NCK2: variants seen among roughly 807,000 people sequenced by gnomAD.
The protein encoded by NCK2 is cytoplasmic protein NCK2.
Under a neutral mutation model 33.9 loss-of-function variants are expected in NCK2, and 16 were observed. The ratio of observed to expected loss-of-function variants is 0.47; its 90% confidence interval spans 0.32 to 0.72. The LOEUF (loss-of-function observed/expected upper bound fraction) is 0.72. NCK2 is among the 30% of genes least tolerant of loss of function. The pLI is 0.03. For missense variants in NCK2, 418 were observed against 537.3 expected (o/e 0.78, Z 2.19); for synonymous variants, 273 against 239.9 (o/e 1.14, Z -1.27).
intron 1 of NCK2, among the ~76,000 whole-genome samples, chr2:105,773,038 T>G (rs1690186310): frequency 6.6e-6 from 1 of 151,588 alleles, no homozygotes; most frequent in South Asian, 2.1e-4. Flanking sequence ...ACTACAGGTG[T>G]GTAGCACCCC....
At position 105,893,426 on chromosome 2, in the gene NCK2, G is replaced by A. The variant is rs1679080871; in HGVS notation, c.*250G>A. On this transcript the variant is annotated 3_prime_UTR_variant, in exon 5 of 5. Transcript: ENST00000233154. ...GAGTTCACATTATTCCTTTTCCATC[G>A]GAAGTGGCGCTCGTGCATTCAACTC... The A allele has an allele frequency of 5.7e-5, 25 of 440,666 alleles. No homozygotes were observed. The South Asian group carries it at 8.0e-4, about 14-fold the overall frequency. 27.3% of individuals were successfully genotyped at this position (440,666 alleles called of 1,614,324 possible).
intron 1 of NCK2, among the ~76,000 whole-genome samples, chr2:105,780,325 T>TATACACACAC (rs1325025118): frequency 6.1e-5 from 9 of 147,360 alleles, no homozygotes; most frequent in Non-Finnish European, 1.4e-4. Flanking sequence ...GAGAGATATA[T>TATACACACAC]ACACACACAC....
chr2:105,869,574 C>A (rs747053789), intron 3 of NCK2, among the ~76,000 whole-genome samples: 5 of 152,202 alleles, frequency 3.3e-5, no homozygotes, highest in Non-Finnish European at 7.3e-5. Flanking sequence ...TGCGTGTTCC[C>A]CCGTGAATGT....
intron 1 of NCK2, among the ~76,000 whole-genome samples, chr2:105,777,828 G>A (rs767885455): frequency 2.0e-5 from 3 of 152,186 alleles, no homozygotes; most frequent in South Asian, 2.1e-4. Flanking sequence ...TGAAAATGCC[G>A]AGCTCCCTTT....
intron 2 of NCK2, among the ~76,000 whole-genome samples, chr2:105,835,903 A>G (rs569923051): frequency 3.3e-5 from 5 of 151,426 alleles, no homozygotes; most frequent in East Asian, 3.9e-4. Context: ...CTTCTGCTTG[A>G]TCTAGTCTCT....
At chr2:105,752,777 GT>G (rs1047465185) in intron 1 of NCK2, among the ~76,000 whole-genome samples, 7 of 152,092 alleles carry the variant, frequency 4.6e-5, no homozygotes, top group Non-Finnish European at 8.8e-5. Flanking sequence ...TGATTTCATT[GT>G]TTTTTTATGG....
At chr2:105,857,363 C>A (rs1350229307) in intron 3 of NCK2, among the ~76,000 whole-genome samples, 3 of 152,278 alleles carry the variant, frequency 2.0e-5, no homozygotes, top group Non-Finnish European at 4.4e-5. Flanking sequence ...AGATGGCCAT[C>A]CAGCCCTGCT....
chr2:105,842,437 T>C (rs1457350640), intron 2 of NCK2, among the ~76,000 whole-genome samples: 1 of 151,880 alleles, frequency 6.6e-6, no homozygotes, highest in Non-Finnish European at 1.5e-5. Flanking sequence ...GGAAAGTTTG[T>C]AACATTTTTT....
chr2:105,759,193 C>T (rs1689685006), intron 1 of NCK2, among the ~76,000 whole-genome samples: 1 of 152,070 alleles, frequency 6.6e-6, no homozygotes, highest in Admixed American at 6.5e-5. Flanking sequence ...GTGTTAAGTC[C>T]TTATTTGGTC....
At chr2:105,799,638 CG>C (rs1386732116) in intron 1 of NCK2, among the ~76,000 whole-genome samples, 5 of 152,132 alleles carry the variant, frequency 3.3e-5, no homozygotes, top group Admixed American at 6.5e-5. Context: ...AAAAACAAAA[CG>C]GAATACCACT....
intron 1 of NCK2, among the ~76,000 whole-genome samples, chr2:105,759,308 G>A (rs1013445019): frequency 6.6e-6 from 1 of 152,172 alleles, no homozygotes; most frequent in Non-Finnish European, 1.5e-5. Context: ...GCAGAAAATT[G>A]TATTGCATTT....
In NCK2 at chr2:105,840,033, A is replaced by G. The variant is rs141440858; in HGVS notation, c.-16-15015A>G. 2.3e-3 allele frequency among the ~76,000 whole-genome samples: 353 copies of G among 152,296 alleles called. 3 individuals are homozygous for G. Among genetic ancestry groups the G allele is most frequent in the African/African-American group, 8.0e-3 (333 of 41,556 alleles). On this transcript the variant is annotated intron_variant, in intron 2 of 4. Transcript: ENST00000233154. ...GGCAGTATGGTAGGGACAAAAGCCA[A>G]TTAGTGGAGGCTCAAAGATCAGGTT...
intron 1 of NCK2, among the ~76,000 whole-genome samples, chr2:105,810,367 A>C (rs1675244443): frequency 6.6e-6 from 1 of 151,888 alleles, no homozygotes; most frequent in Non-Finnish European, 1.5e-5. Context: ...CTGGCAGTAG[A>C]GGGAGGGAGA....
intron 2 of NCK2, among the ~76,000 whole-genome samples, chr2:105,822,472 G>T (rs927347187): frequency 2.0e-5 from 3 of 152,010 alleles, no homozygotes; most frequent in African/African-American, 7.3e-5. Flanking sequence ...CATCTCTAAG[G>T]TCCCTGACGC....
intron 1 of NCK2, among the ~76,000 whole-genome samples, chr2:105,799,557 C>T (rs1674732525): frequency 6.6e-6 from 1 of 152,146 alleles, no homozygotes; most frequent in Non-Finnish European, 1.5e-5. Flanking sequence ...CCTAGTGTTT[C>T]GTTAGTCTGT....
At position 105,811,395 on chromosome 2, in the gene NCK2, G is replaced by C. The variant is rs193028763; in HGVS notation, c.-200-5035G>C. Reference sequence around the variant, plus strand: ...GGCCTTGTTGCTTCCTTTTCTGGCTGTAATTTGCTTCTCATTATATATGGA... The same window carrying C: ...GGCCTTGTTGCTTCCTTTTCTGGCTCTAATTTGCTTCTCATTATATATGGA... On this transcript the variant is annotated intron_variant, in intron 1 of 4. Coordinates refer to ENST00000233154, the MANE Select transcript of NCK2 (RefSeq NM_003581.5). Among the ~76,000 whole-genome samples, 198 of 152,270 alleles carry C rather than the reference G, an allele frequency of 1.3e-3. 1 individual carries two copies. The highest frequency in any genetic ancestry group is 2.4e-3 in the Non-Finnish European group (166 of 68,016).
At chr2:105,814,235 C>T (rs576674379) in intron 1 of NCK2, among the ~76,000 whole-genome samples, 2 of 152,338 alleles carry the variant, frequency 1.3e-5, no homozygotes, top group South Asian at 4.1e-4. Flanking sequence ...TGTTGACCAC[C>T]ATGTTTTATT....
intron 1 of NCK2, among the ~76,000 whole-genome samples, chr2:105,755,381 G>A (rs908256174): frequency 6.7e-6 from 1 of 149,906 alleles, no homozygotes; most frequent in Non-Finnish European, 1.5e-5. Context: ...TATAGATTAG[G>A]TGTCTAGTGT....
intron 2 of NCK2, among the ~76,000 whole-genome samples, chr2:105,840,259 G>A (rs933198860): frequency 4.9e-4 from 75 of 152,230 alleles, no homozygotes; most frequent in African/African-American, 1.8e-3. Context: ...TCCAGAGGTG[G>A]GATTCAGTCC....
Sources: allele counts gnomAD v4.1 joint callset (sites outside exome capture counted in the v4.1 genomes callset), GRCh38; gene constraint gnomAD v4.1.1; transcripts MANE v1.5; gene names NCBI Gene and HGNC (gene_info 2026-07-23, HGNC 2026-07-21).